Variants in PTPRK observed in about 807,000 individuals in gnomAD.
The protein encoded by PTPRK is protein tyrosine phosphatase receptor type K, also known as receptor-type tyrosine-protein phosphatase kappa.
In PTPRK, 75 loss-of-function variants were observed where a neutral mutation model predicts 178.0. The ratio of observed to expected loss-of-function variants is 0.42; its 90% CI spans 0.35 to 0.51. PTPRK has a LOEUF of 0.51. PTPRK is among the 20% of genes least tolerant of loss of function. The pLI is 0.02. For synonymous variants in PTPRK, 637 were observed against 620.6 expected (o/e 1.03, Z -0.39); for missense variants, 1,441 against 1,797.8 (o/e 0.80, Z 3.59).
chr6:128,378,081 A>T (rs1417663938), intron 2 of PTPRK, among the ~76,000 whole-genome samples: 1 of 152,150 alleles, frequency 6.6e-6, no homozygotes, highest in Admixed American at 6.6e-5. Context: ...ATTTAACCAC[A>T]AATATTAAGG....
intron 1 of PTPRK, among the ~76,000 whole-genome samples, chr6:128,410,251 C>A (rs1842148962): frequency 1.3e-5 from 2 of 152,170 alleles, no homozygotes; most frequent in African/African-American, 4.8e-5. Flanking sequence ...TAACCTCCAA[C>A]CAGTGAAGGA....
intron 7 of PTPRK, among the ~76,000 whole-genome samples, chr6:128,119,313 C>T (rs898580710): frequency 6.6e-6 from 1 of 151,398 alleles, no homozygotes; most frequent in Non-Finnish European, 1.5e-5. Flanking sequence ...TGTTTCTTTA[C>T]ATTAAATTTC....
chr6:127,990,345 C>G (rs572731306), intron 21 of PTPRK, among the ~76,000 whole-genome samples: 1 of 152,006 alleles, frequency 6.6e-6, no homozygotes, highest in African/African-American at 2.4e-5. Context: ...GGACATAACC[C>G]GTCACTCCCT....
intron 3 of PTPRK, among the ~76,000 whole-genome samples, chr6:128,287,019 G>GAT (rs1822616164): frequency 1.3e-5 from 2 of 152,132 alleles, no homozygotes; most frequent in Admixed American, 6.6e-5. Context: ...AGTTTTACCT[G>GAT]ATATATATTC....
chr6:128,169,692 C>T (rs1341947334), intron 7 of PTPRK, among the ~76,000 whole-genome samples: 1 of 151,422 alleles, frequency 6.6e-6, no homozygotes, highest in African/African-American at 2.4e-5. Flanking sequence ...CTAAAAAATG[C>T]TTAATACATA....
intron 6 of PTPRK, among the ~76,000 whole-genome samples, chr6:128,206,171 A>C (rs2128261607): frequency 6.6e-6 from 1 of 152,164 alleles, no homozygotes; most frequent in South Asian, 2.1e-4. Context: ...CAAATATGTT[A>C]ATCAAATCAA....
chr6:128,404,005 A>C (rs891615714), intron 1 of PTPRK, among the ~76,000 whole-genome samples: 1 of 152,218 alleles, frequency 6.6e-6, no homozygotes, highest in Non-Finnish European at 1.5e-5. Context: ...AATTCTATTC[A>C]CAAAACAGGC....
chr6:128,085,282 C>G (rs191471770), intron 8 of PTPRK: 2 of 152,374 alleles, frequency 1.3e-5, no homozygotes, highest in African/African-American at 4.8e-5. Context: ...GGCTGTGCAG[C>G]TGATCCAGAC....
intron 13 of PTPRK, among the ~76,000 whole-genome samples, chr6:128,050,918 T>C (rs372580410): frequency 2.0e-5 from 3 of 152,210 alleles, no homozygotes; most frequent in African/African-American, 4.8e-5. Context: ...TGTATGCTAA[T>C]TGTTCTTAGA....
intron 1 of PTPRK, 24 bp from the exon 2 acceptor site, chr6:128,397,712 T>TA (rs1562439062): frequency 1.9e-6 from 3 of 1,610,296 alleles, no homozygotes; most frequent in Non-Finnish European, 2.5e-6. Flanking sequence ...AGACTACTGT[T>TA]ACATTCTAAA....
chr6:128,380,109 T>G (rs1029555484), intron 2 of PTPRK, among the ~76,000 whole-genome samples: 1 of 151,976 alleles, frequency 6.6e-6, no homozygotes, highest in Non-Finnish European at 1.5e-5. Context: ...GGCTTTCATC[T>G]CAATAGTATA....
chr6:128,114,913 TGTAA>T (rs1415382657), intron 7 of PTPRK, among the ~76,000 whole-genome samples: 4 of 151,980 alleles, frequency 2.6e-5, no homozygotes, highest in Admixed American at 2.6e-4. Flanking sequence ...GTGCTATATA[TGTAA>T]GTATCACAGA....
intron 6 of PTPRK, among the ~76,000 whole-genome samples, chr6:128,210,591 G>A (rs1049460552): frequency 1.2e-4 from 18 of 152,068 alleles, no homozygotes; most frequent in African/African-American, 4.1e-4. Context: ...GGAAGAGCTG[G>A]CTTTGCCTGC....
intron 1 of PTPRK, among the ~76,000 whole-genome samples, chr6:128,503,189 G>A (rs1855816790): frequency 6.6e-6 from 1 of 152,212 alleles, no homozygotes; most frequent in African/African-American, 2.4e-5. Context: ...TCGCGCCACT[G>A]CACTCCAGCC....
At chr6:128,219,357 C>T (rs1394092459) in intron 5 of PTPRK, among the ~76,000 whole-genome samples, 1 of 152,174 alleles carries the variant, frequency 6.6e-6, no homozygotes, top group Non-Finnish European at 1.5e-5. Flanking sequence ...CAGGATGAAA[C>T]TGTTCCACCT....
intron 7 of PTPRK, among the ~76,000 whole-genome samples, chr6:128,092,499 G>A (rs1190888630): frequency 2.6e-5 from 4 of 152,104 alleles, no homozygotes; most frequent in African/African-American, 7.2e-5. Flanking sequence ...TACTGAGGTG[G>A]GAACTTCTCA....
intron 13 of PTPRK, among the ~76,000 whole-genome samples, chr6:128,029,174 A>G (rs1396111606): frequency 6.6e-6 from 1 of 151,974 alleles, no homozygotes; most frequent in Non-Finnish European, 1.5e-5. Flanking sequence ...TTCTTGTGAG[A>G]TCTGGTTGTT....
At chr6:128,084,581 G>A (rs1257895856) in intron 8 of PTPRK, among the ~76,000 whole-genome samples, 4 of 152,162 alleles carry the variant, frequency 2.6e-5, no homozygotes, top group African/African-American at 9.7e-5. Flanking sequence ...CATATTTGAA[G>A]AGCCTTTGCT....
chr6:128,028,953 G>T (rs765711137), intron 13 of PTPRK, among the ~76,000 whole-genome samples: 1 of 152,118 alleles, frequency 6.6e-6, no homozygotes, highest in Non-Finnish European at 1.5e-5. Context: ...TCATGGTAAG[G>T]TTAGAATTGT....
Sources: gnomAD v4.1 joint callset for allele counts (sites outside exome capture counted in the v4.1 genomes callset) on GRCh38, gnomAD v4.1.1 for gene constraint, MANE v1.5 for transcripts, NCBI Gene and HGNC (gene_info 2026-07-23, HGNC 2026-07-21) for gene names.